UQCRH: variants seen among roughly 807,000 people sequenced by gnomAD.
UQCRH encodes the protein ubiquinol-cytochrome c reductase hinge protein.
A neutral mutation model predicts 16.3 loss-of-function variants in UQCRH; 14 were observed. That is an observed-to-expected ratio of 0.86 (90% CI 0.57 to 1.34). The LOEUF (loss-of-function observed/expected upper bound fraction) is 1.34. Ranked by LOEUF, UQCRH falls within the 40% of genes most tolerant of loss-of-function variation. The pLI is 0.00. For missense variants in UQCRH, 89 were observed against 111.9 expected (o/e 0.80, Z 0.92); for synonymous variants, 41 against 41.9 (o/e 0.98, Z 0.08).
chr1:46,314,506 A>T (rs1237922637), intron 3 of UQCRH, among the ~76,000 whole-genome samples: 1 of 151,986 alleles, frequency 6.6e-6, no homozygotes, highest in African/African-American at 2.4e-5. Flanking sequence ...CCCCGTCTCT[A>T]CTAAAAACAC....
chr1:46,306,084 G>A (rs1451780014), intron 1 of UQCRH, among the ~76,000 whole-genome samples: 2 of 151,782 alleles, frequency 1.3e-5, no homozygotes, highest in South Asian at 2.1e-4. Context: ...GAGCCACCGC[G>A]CCCGGCTGAG....
chr1:46,309,005 A>C, intron 1 of UQCRH, 96 bp from the exon 2 acceptor site: 1 of 1,338,330 alleles, frequency 7.5e-7, no homozygotes, highest in Non-Finnish European at 1.1e-6. Flanking sequence ...CATCGTTAAT[A>C]GTGTCAGTGT....
chr1:46,314,154 A>G (rs927395014), intron 3 of UQCRH, among the ~76,000 whole-genome samples: 1 of 151,448 alleles, frequency 6.6e-6, no homozygotes, highest in Admixed American at 6.6e-5. Context: ...GGCGGATCAC[A>G]AGGTCAGGAG....
At chr1:46,310,929 C>A (rs1029927547) in intron 3 of UQCRH, among the ~76,000 whole-genome samples, 1 of 151,724 alleles carries the variant, frequency 6.6e-6, no homozygotes, top group African/African-American at 2.4e-5. Flanking sequence ...TAGCTGGGCG[C>A]GGTGGCGGGC....
At chr1:46,313,854 C>A (rs950124319) in intron 3 of UQCRH, among the ~76,000 whole-genome samples, 8 of 149,108 alleles carry the variant, frequency 5.4e-5, no homozygotes, top group South Asian at 2.1e-4. Flanking sequence ...AAAAAAAAAA[C>A]AAGTTCTTTT....
At chr1:46,303,891 A>T in intron 1 of UQCRH, 71 bp downstream of exon 1, 1 of 1,604,916 alleles carries the variant, frequency 6.2e-7, no homozygotes, top group Non-Finnish European at 8.5e-7. Context: ...CAAAACACGC[A>T]CGGGGCCCTC....
rs559507080 is a variant in UQCRH, at chr1:46,305,802, GA to G, written c.54+1984del. On this transcript the variant is annotated intron_variant, in intron 1 of 3. Transcript: ENST00000311672. ...AAAATAAACTATGGTATTCTATGAG[GA>G]ACCCATAATTTTTTTTTTTTGAGAC... 2.4e-3 allele frequency among the ~76,000 whole-genome samples: 356 copies of G among 148,832 alleles called. 2 individuals are homozygous for G. Among genetic ancestry groups the G allele is most frequent in the African/African-American group, 8.6e-3 (345 of 40,312 alleles).
At position 46,309,626 on chromosome 1, in the gene UQCRH, C is replaced by T. The variant is rs549678328; in HGVS notation, c.81+499C>T. ...CGGAGGTTGTGGTGAGCTGAGATTG[C>T]GCCATTGCGCTCCAGCCTGGGCAAC... On this transcript the variant is annotated intron_variant, in intron 2 of 3. Transcript: ENST00000311672. 1.5e-4 allele frequency: 27 copies of T among 183,726 alleles called. No individual in the cohort carries two copies. The South Asian group carries it at 1.6e-3, about 11-fold the overall frequency. The allele number at this position is 183,726 out of a possible 1,614,324, so 11.4% of individuals were successfully genotyped here.
intron 1 of UQCRH, among the ~76,000 whole-genome samples, chr1:46,308,574 T>C (rs971175805): frequency 6.6e-6 from 1 of 152,186 alleles, no homozygotes; most frequent in African/African-American, 2.4e-5. Flanking sequence ...GAGTGGCTAA[T>C]GCCTATAATC....
At chr1:46,314,234 C>T (rs900807492) in intron 3 of UQCRH, among the ~76,000 whole-genome samples, 13 of 151,946 alleles carry the variant, frequency 8.6e-5, no homozygotes, top group African/African-American at 2.4e-4. Context: ...GGCATGGTGG[C>T]GGGTGCTTGT....
intron 2 of UQCRH, chr1:46,309,767 G>C: frequency 1.1e-6 from 1 of 870,984 alleles, no homozygotes; most frequent in Non-Finnish European, 1.5e-6. Flanking sequence ...GGGTGCATAG[G>C]CCTGGTTCTC....
chr1:46,309,602 G>A (rs568744517), intron 2 of UQCRH: 39 of 180,950 alleles, frequency 2.2e-4, no homozygotes, highest in Admixed American at 1.8e-3. Context: ...CCCGAGAGGC[G>A]GAGGTTGTGG....
At chr1:46,311,907 G>A (rs1284933275) in intron 3 of UQCRH, among the ~76,000 whole-genome samples, 1 of 149,476 alleles carries the variant, frequency 6.7e-6, no homozygotes, top group African/African-American at 2.5e-5. Flanking sequence ...GGGATTACAG[G>A]TGTGAACCAC....
At chr1:46,314,598 C>T (rs371677847) in intron 3 of UQCRH, among the ~76,000 whole-genome samples, 1 of 150,560 alleles carries the variant, frequency 6.6e-6, no homozygotes, top group African/African-American at 2.4e-5. Context: ...GCTTGAACCC[C>T]GGAGGTGGAG....
intron 2 of UQCRH, 134 bp from the exon 3 acceptor site, chr1:46,310,021 C>T: frequency 6.6e-7 from 1 of 1,519,888 alleles, no homozygotes; most frequent in Admixed American, 2.0e-5. Flanking sequence ...GGCAGTGTGG[C>T]TCTGCCAGCT....
chr1:46,312,450 C>A (rs986824740), intron 3 of UQCRH, among the ~76,000 whole-genome samples: 1 of 151,830 alleles, frequency 6.6e-6, no homozygotes. Flanking sequence ...GGGATTTTGC[C>A]GTGTTGCCCA....
chr1:46,308,074 A>G (rs1239846697), intron 1 of UQCRH, among the ~76,000 whole-genome samples: 1 of 152,204 alleles, frequency 6.6e-6, no homozygotes, highest in Non-Finnish European at 1.5e-5. Flanking sequence ...ATTAAATCAT[A>G]AGAGATATGA....
At chr1:46,313,882 G>A (rs1292064670) in intron 3 of UQCRH, among the ~76,000 whole-genome samples, 1 of 151,198 alleles carries the variant, frequency 6.6e-6, no homozygotes, top group Non-Finnish European at 1.5e-5. Flanking sequence ...ATTAAACATA[G>A]AATTATGTAC....
intron 1 of UQCRH, among the ~76,000 whole-genome samples, chr1:46,305,955 G>A (rs1321825809): frequency 6.6e-6 from 1 of 151,630 alleles, no homozygotes; most frequent in Non-Finnish European, 1.5e-5. Context: ...ACAGGCGCAC[G>A]CCACCTAATT....
Sources: allele counts gnomAD v4.1 joint callset (sites outside exome capture counted in the v4.1 genomes callset), GRCh38; gene constraint gnomAD v4.1.1; transcripts MANE v1.5; gene names NCBI Gene and HGNC (gene_info 2026-07-23, HGNC 2026-07-21).